Variants in TRAIP observed in about 807,000 individuals in gnomAD.
The protein encoded by TRAIP is TRAF interacting protein, also known as E3 ubiquitin-protein ligase TRAIP.
Under a neutral mutation model 65.0 loss-of-function variants are expected in TRAIP, and 37 were observed. The ratio of observed to expected loss-of-function variants is 0.57; its 90% confidence interval spans 0.44 to 0.75. The LOEUF is 0.75. TRAIP is among the 30% of genes least tolerant of loss of function. The probability of loss-of-function intolerance (pLI) is 0.00; values close to 1 mark genes in which losing one functional copy is unlikely to be tolerated. For missense variants in TRAIP, 481 were observed against 579.4 expected (o/e 0.83, Z 1.74); for synonymous variants, 187 against 219.1 (o/e 0.85, Z 1.29).
chr3:49,842,394 T>C (rs779706035), intron 6 of TRAIP, 59 bp downstream of exon 6: 4 of 1,541,106 alleles, frequency 2.6e-6, no homozygotes, highest in Non-Finnish European at 3.6e-6. Context: ...TCCTAAGAAC[T>C]GTACCACTTG....
intron 10 of TRAIP, among the ~76,000 whole-genome samples, chr3:49,832,998 C>T (rs926895601): frequency 2.2e-4 from 33 of 152,148 alleles, no homozygotes; most frequent in Non-Finnish European, 1.8e-4. Flanking sequence ...CTATTTCTTC[C>T]TTTCCCTGTC....
chr3:49,849,840 C>CTTTTTTTTTTT (rs1185587392), intron 1 of TRAIP, among the ~76,000 whole-genome samples: 98 of 89,864 alleles, frequency 1.1e-3, no homozygotes, highest in South Asian at 1.5e-3. Flanking sequence ...CTTTTCTTTT[C>CTTTTTTTTTTT]TTTTTTTTTT....
chr3:49,829,213 T>G lies in TRAIP; in HGVS notation c.1300A>C (p.Met434Leu), dbSNP rs1310475317. 2 of 1,614,058 alleles carry G rather than the reference T, an allele frequency of 1.2e-6. No homozygotes were observed. The highest frequency in any genetic ancestry group is 2.7e-5 in the African/African-American group (2 of 74,906). Reference sequence around the variant, plus strand: ...GGCTTAACAGGCAATGGGCGGATCATGACTGTGTCAGTCTGGAGGAGCTGT... The same window carrying G: ...GGCTTAACAGGCAATGGGCGGATCAGGACTGTGTCAGTCTGGAGGAGCTGT... Reference protein sequence around the residue: ...TKFIQPTDTVMIRPLPVKPKT... With the variant: ...TKFIQPTDTVLIRPLPVKPKT... The change falls in exon 15 of 15, where the codon ATG (methionine) becomes CTG (leucine). Residue 434 changes from methionine to leucine, a missense_variant. Transcript: ENST00000331456.
chr3:49,848,397 G>A (rs1007801645), intron 1 of TRAIP, among the ~76,000 whole-genome samples, 197 bp from the exon 2 acceptor site: 4 of 152,160 alleles, frequency 2.6e-5, no homozygotes, highest in African/African-American at 9.7e-5. Context: ...CAACCAGCTG[G>A]CCCTTTTTTT....
chr3:49,855,977 C>A (rs747938366), intron 1 of TRAIP, among the ~76,000 whole-genome samples: 11 of 152,206 alleles, frequency 7.2e-5, no homozygotes, highest in Non-Finnish European at 1.6e-4. Flanking sequence ...TAAGGCACAG[C>A]AAACTCTCTT....
At chr3:49,829,389 G>A (rs1209628871) in intron 14 of TRAIP, 69 bp downstream of exon 14, 1 of 1,612,540 alleles carries the variant, frequency 6.2e-7, no homozygotes, top group Non-Finnish European at 8.5e-7. Flanking sequence ...CTGGCAGGCT[G>A]GGGGTATAGG....
At chr3:49,840,873 C>T in intron 8 of TRAIP, 112 bp downstream of exon 8, 1 of 966,730 alleles carries the variant, frequency 1.0e-6, no homozygotes, top group Non-Finnish European at 1.6e-6. Flanking sequence ...CCTCCAGCTG[C>T]CCCAGGGAGT....
intron 1 of TRAIP, among the ~76,000 whole-genome samples, chr3:49,853,121 CAAAA>C (rs749868575): frequency 1.1e-5 from 1 of 91,932 alleles, no homozygotes. Flanking sequence ...GACTCTGTCT[CAAAA>C]AAAAAAAAAA....
chr3:49,844,651 C>T (rs952965311), intron 3 of TRAIP, 71 bp from the exon 4 acceptor site: 77 of 1,577,244 alleles, frequency 4.9e-5, no homozygotes, highest in Non-Finnish European at 5.9e-5. Flanking sequence ...TCCCATAAGG[C>T]TGTGGGGAGC....
chr3:49,851,158 T>C (rs748332071), intron 1 of TRAIP, among the ~76,000 whole-genome samples: 39 of 151,990 alleles, frequency 2.6e-4, no homozygotes, highest in Middle Eastern at 3.2e-3. Flanking sequence ...TCTGTGTTTT[T>C]AGTAGAGATT....
intron 1 of TRAIP, 95 bp from the exon 2 acceptor site, chr3:49,848,295 C>T: frequency 7.3e-7 from 1 of 1,371,820 alleles, no homozygotes. Flanking sequence ...GTCTGTTCTG[C>T]TCCTCCTTGA....
chr3:49,846,529 G>T (rs528406414), intron 3 of TRAIP, among the ~76,000 whole-genome samples: 1 of 152,150 alleles, frequency 6.6e-6, no homozygotes, highest in African/African-American at 2.4e-5. Flanking sequence ...AGACAAGACC[G>T]CAGGAGAGAA....
At chr3:49,832,160 C>T in intron 10 of TRAIP, 92 bp from the exon 11 acceptor site, 2 of 1,392,972 alleles carry the variant, frequency 1.4e-6, no homozygotes. Context: ...GCTCCAGGGA[C>T]CTGGAGCCCA....
intron 11 of TRAIP, among the ~76,000 whole-genome samples, chr3:49,831,537 A>G (rs889520924): frequency 2.0e-5 from 3 of 152,234 alleles, no homozygotes; most frequent in African/African-American, 7.2e-5. Flanking sequence ...TCCCTCAGGC[A>G]TGAGCCTCAG....
At position 49,832,060 on chromosome 3, in the gene TRAIP, G is replaced by A; in HGVS notation, c.893C>T (p.Pro298Leu). Residue 298 changes from proline to leucine, a missense_variant, in exon 11 of 15, where the codon CCT (proline) becomes CTT (leucine). By Grantham distance (98) the Pro-to-Leu change is moderately conservative. Coordinates refer to ENST00000331456, the MANE Select transcript of TRAIP (RefSeq NM_005879.3). ...VDRLVLESPA[P>L]VEVNLKLRRP... ...GCGGAGCTTCAGATTCACCTCCACA[G>A]GGGCTGGGCTGAAGGCAGAGATGAC... 1.9e-6 allele frequency: 3 copies of A among 1,590,478 alleles called. No homozygotes were observed. Among genetic ancestry groups the A allele is most frequent in the Non-Finnish European group, 2.6e-6 (3 of 1,168,080 alleles).
intron 11 of TRAIP, 57 bp from the exon 12 acceptor site, chr3:49,830,125 A>T (rs2081719678): frequency 3.1e-6 from 5 of 1,587,722 alleles, no homozygotes; most frequent in Non-Finnish European, 4.3e-6. Context: ...GGGCAGGTGA[A>T]CCAGGCTCAG....
At chr3:49,851,266 G>A (rs939976954) in intron 1 of TRAIP, among the ~76,000 whole-genome samples, 2 of 152,112 alleles carry the variant, frequency 1.3e-5, no homozygotes, top group African/African-American at 4.8e-5. Flanking sequence ...GAATCAACAC[G>A]CCCAGCCATA....
intron 1 of TRAIP, among the ~76,000 whole-genome samples, chr3:49,850,650 A>ATTTTTTTTTTTTTTTTTTTTT: frequency 1.1e-5 from 1 of 90,686 alleles, no homozygotes; most frequent in Non-Finnish European, 2.1e-5. Flanking sequence ...AATAGTCTGC[A>ATTTTTTTTTTTTTTTTTTTTT]TTTTTTTTTT....
intron 3 of TRAIP, 79 bp from the exon 4 acceptor site, chr3:49,844,659 A>G: frequency 6.4e-7 from 1 of 1,559,906 alleles, no homozygotes; most frequent in Non-Finnish European, 8.8e-7. Context: ...GGCTGTGGGG[A>G]GCCCCAGGAT....
Sources: gnomAD v4.1 joint callset for allele counts (sites outside exome capture counted in the v4.1 genomes callset) on GRCh38, gnomAD v4.1.1 for gene constraint, MANE v1.5 for transcripts, NCBI Gene and HGNC (gene_info 2026-07-23, HGNC 2026-07-21) for gene names.